GFRA2: variants seen among roughly 807,000 people sequenced by gnomAD.
GFRA2 encodes the protein GDNF family receptor alpha-2.
A neutral mutation model predicts 48.3 loss-of-function variants in GFRA2; 17 were observed. The observed-to-expected ratio is 0.35, with a 90% CI of 0.24 to 0.53. The LOEUF (loss-of-function observed/expected upper bound fraction) is 0.53, where lower values mean the gene tolerates loss of function less well. Ranked by LOEUF, GFRA2 falls within the 20% of genes least tolerant of loss-of-function variation. The probability of loss-of-function intolerance (pLI) is 0.93; values close to 1 mark genes in which losing one functional copy is unlikely to be tolerated. For missense variants in GFRA2, 660 were observed against 637.3 expected (o/e 1.04, Z -0.38); for synonymous variants, 305 against 257.2 (o/e 1.19, Z -1.78).
chr8:21,699,637 G>C (rs1415738468), intron 7 of GFRA2, among the ~76,000 whole-genome samples: 2 of 152,158 alleles, frequency 1.3e-5, no homozygotes, highest in Non-Finnish European at 2.9e-5. Context: ...CCCATCATAA[G>C]ACCACGAGTC....
rs1801881886 is a variant in GFRA2, at chr8:21,691,485, C to T, written c.*1793G>A. On this transcript the variant is annotated 3_prime_UTR_variant, in exon 9 of 9. Coordinates refer to ENST00000524240, the MANE Select transcript of GFRA2 (RefSeq NM_001495.5). The stretch of plus-strand genomic sequence containing the variant: ...AAATACTTATGCTTTCAGACCATGA[C>T]CCCAGAACATGCACAGTCATGTCCT... The T allele has an allele frequency of 6.6e-6, 1 of 152,214 alleles. No individual in the cohort carries two copies. Among genetic ancestry groups the T allele is most frequent in the Non-Finnish European group, 1.5e-5 (1 of 68,062 alleles). 9.4% of individuals were successfully genotyped at this position (152,214 alleles called of 1,614,324 possible). A position where few individuals can be genotyped will look rare whatever the true frequency, so the allele number is the denominator to read the frequency against.
intron 4 of GFRA2, among the ~76,000 whole-genome samples, chr8:21,724,942 T>C (rs990535796): frequency 1.3e-5 from 2 of 152,174 alleles, no homozygotes; most frequent in African/African-American, 4.8e-5. Flanking sequence ...GTCCTCTAGT[T>C]CCTGGACACT....
intron 7 of GFRA2, among the ~76,000 whole-genome samples, chr8:21,697,394 T>G (rs1164607032): frequency 6.6e-6 from 1 of 152,076 alleles, no homozygotes; most frequent in South Asian, 2.1e-4. Context: ...ATGCTGATTA[T>G]CAGGGGACAG....
chr8:21,696,907 G>A (rs570410678), intron 7 of GFRA2, among the ~76,000 whole-genome samples: 28 of 135,606 alleles, frequency 2.1e-4, no homozygotes, highest in Non-Finnish European at 3.8e-4. Context: ...AGAGTGAGAG[G>A]AGAGGGGACA....
chr8:21,796,710 G>A lies in GFRA2; in HGVS notation c.-36+8307C>T, dbSNP rs998944170. ...AGAACTTTCTCTCCTTCCCCCCACT[G>A]TCCCCATGCACTCCTGCTTTCCTGG... is the stretch of plus-strand genomic sequence containing the variant. On this transcript the variant is annotated intron_variant, in intron 2 of 10. Transcript: ENST00000517328. 5.3e-4 allele frequency among the ~76,000 whole-genome samples: 80 copies of A among 152,234 alleles called. 1 individual carries two copies. Among genetic ancestry groups the A allele is most frequent in the African/African-American group, 1.9e-3 (79 of 41,546 alleles).
chr8:21,765,668 C>T (rs1444312760), intron 3 of GFRA2, among the ~76,000 whole-genome samples: 1 of 152,116 alleles, frequency 6.6e-6, no homozygotes, highest in African/African-American at 2.4e-5. Context: ...TCCAGGCCTA[C>T]ATCTAACTGT....
chr8:21,797,885 G>T (rs1322779951), intron 2 of GFRA2: 1 of 152,210 alleles, frequency 6.6e-6, no homozygotes, highest in African/African-American at 2.4e-5. Flanking sequence ...GCAGAAAGCA[G>T]CATGTCTGCC....
chr8:21,695,913 G>A (rs142258803), intron 7 of GFRA2, among the ~76,000 whole-genome samples: 21 of 152,116 alleles, frequency 1.4e-4, no homozygotes, highest in Middle Eastern at 3.4e-3. Flanking sequence ...TGACACCTAC[G>A]GACACCCAGC....
chr8:21,709,285 G>A (rs112246967), intron 4 of GFRA2, among the ~76,000 whole-genome samples: 2,763 of 152,294 alleles, frequency 0.018, 66 homozygotes, highest in African/African-American at 0.063. Flanking sequence ...GATTTCTTCC[G>A]TTTCCATATT....
At chr8:21,790,883 A>G (rs1418079254), upstream of GFRA2, among the ~76,000 whole-genome samples, 1 of 152,230 alleles carries the variant, frequency 6.6e-6, no homozygotes, top group East Asian at 1.9e-4. Context: ...TTAAAAGATA[A>G]AACTTGACAG....
At chr8:21,784,092 A>C (rs956332487) in intron 1 of GFRA2, among the ~76,000 whole-genome samples, 2 of 151,974 alleles carry the variant, frequency 1.3e-5, no homozygotes. Context: ...CCATCAGGCC[A>C]CCTTCCCATC....
intron 2 of GFRA2, 26 bp downstream of exon 2, chr8:21,782,559 C>T (rs1423571533): frequency 5.9e-6 from 9 of 1,534,914 alleles, no homozygotes; most frequent in Non-Finnish European, 7.0e-6. Context: ...ACCCCCTCCC[C>T]TTGGGCAAGC....
intron 4 of GFRA2, among the ~76,000 whole-genome samples, chr8:21,740,803 C>G (rs1240033969): frequency 6.6e-6 from 1 of 152,260 alleles, no homozygotes; most frequent in African/African-American, 2.4e-5. Flanking sequence ...TCCCGCCAGG[C>G]CTTCGCCATC....
intron 4 of GFRA2, among the ~76,000 whole-genome samples, chr8:21,747,633 C>A (rs1805070828): frequency 6.6e-6 from 1 of 151,986 alleles, no homozygotes; most frequent in Non-Finnish European, 1.5e-5. Context: ...GCTCTCCTCC[C>A]CATCTCCCAT....
chr8:21,758,648 C>T (rs1276678261), intron 3 of GFRA2, among the ~76,000 whole-genome samples: 1 of 152,166 alleles, frequency 6.6e-6, no homozygotes, highest in African/African-American at 2.4e-5. Context: ...GTGCCTTTCT[C>T]GGTCTCATTT....
intron 3 of GFRA2, chr8:21,769,264 G>GCACCAC: frequency 2.0e-6 from 1 of 497,344 alleles, no homozygotes; most frequent in Non-Finnish European, 2.3e-6. Flanking sequence ...CCCCGCCCCT[G>GCACCAC]CCCTGCCCCT....
rs1470192014 is a variant in GFRA2 at position 21,750,128 on chromosome 8, G to A, written c.794+460C>T. Among the ~76,000 whole-genome samples, 1 of 139,078 alleles carries A rather than the reference G, an allele frequency of 7.2e-6. No homozygotes were observed. The highest frequency in any genetic ancestry group is 2.6e-5 in the African/African-American group (1 of 38,858). The allele number at this position is 139,078 out of a possible 152,430, so 91.2% of individuals were successfully genotyped here. A position where few individuals can be genotyped will look rare whatever the true frequency, so the allele number is the denominator to read the frequency against. ...ACACACACGCACATATATAGGTAGA[G>A]ACTGAGTTTTGCTATGTTGCCCAGG... is the stretch of plus-strand genomic sequence containing the variant. On this transcript the variant is annotated intron_variant, in intron 4 of 8. Coordinates refer to ENST00000524240, the MANE Select transcript of GFRA2 (RefSeq NM_001495.5). The surrounding 1 kb of genome is among the most constrained non-coding windows in gnomAD (Gnocchi z 5.7).
chr8:21,763,994 CA>C (rs1806035417), intron 3 of GFRA2, among the ~76,000 whole-genome samples: 2 of 133,300 alleles, frequency 1.5e-5, no homozygotes, highest in African/African-American at 6.3e-5. Context: ...CACACACACA[CA>C]CACACACACA....
intron 1 of GFRA2, among the ~76,000 whole-genome samples, chr8:21,806,888 T>C (rs926029650): frequency 6.6e-6 from 1 of 152,198 alleles, no homozygotes; most frequent in Admixed American, 6.5e-5. Flanking sequence ...CATAATGATA[T>C]GTCATCATAT....
Sources: allele counts gnomAD v4.1 joint callset (sites outside exome capture counted in the v4.1 genomes callset), GRCh38; gene constraint gnomAD v4.1.1; non-coding constraint Gnocchi (gnomAD v3.1); transcripts MANE v1.5; gene names NCBI Gene and HGNC (gene_info 2026-07-23, HGNC 2026-07-21).